RLIG1: variants seen among roughly 807,000 people sequenced by gnomAD.
The protein encoded by RLIG1 is RNA 5'-phosphate and 3'-OH ligase 1.
the RLIG1 span, chr12:88,045,690 G>C: frequency 6.2e-7 from 1 of 1,613,026 alleles, no homozygotes; most frequent in Non-Finnish European, 8.5e-7. Flanking sequence ...GATGATTCTG[G>C]ACTTTTGGAA....
At chr12:88,048,123 GAT>G in the RLIG1 span, 6 of 670,058 alleles carry the variant, frequency 9.0e-6, no homozygotes, top group Non-Finnish European at 1.3e-5. Context: ...AAAACAGTAA[GAT>G]AAAGTGGAGT....
At chr12:88,049,340 C>T in the RLIG1 span, 1 of 1,582,088 alleles carries the variant, frequency 6.3e-7, no homozygotes, top group Non-Finnish European at 8.6e-7. Flanking sequence ...TGTAATTATA[C>T]TTAAGATCTT....
chr12:88,048,622 A>ACAT, the RLIG1 span: 3 of 383,306 alleles, frequency 7.8e-6, no homozygotes, highest in Non-Finnish European at 1.3e-5. Flanking sequence ...AGCCATAAAA[A>ACAT]CATAAGTAAT....
At chr12:88,042,889 A>G in the RLIG1 span, 1 of 1,573,014 alleles carries the variant, frequency 6.4e-7, no homozygotes, top group Non-Finnish European at 8.6e-7. Context: ...AAAGATTTAA[A>G]AATTTTCTAC....
At chr12:88,041,388 G>A in the RLIG1 span, among the ~76,000 whole-genome samples, 1 of 152,108 alleles carries the variant, frequency 6.6e-6, no homozygotes, top group African/African-American at 2.4e-5. Flanking sequence ...TGACTATTGC[G>A]AATAATGCCA....
the RLIG1 span, among the ~76,000 whole-genome samples, chr12:88,038,149 CAT>C: frequency 6.6e-6 from 1 of 152,114 alleles, no homozygotes; most frequent in Non-Finnish European, 1.5e-5. Context: ...GGTGCAAAGA[CAT>C]AGAACTAAAA....
the RLIG1 span, among the ~76,000 whole-genome samples, chr12:88,038,753 T>C: frequency 6.6e-6 from 1 of 152,190 alleles, no homozygotes; most frequent in Non-Finnish European, 1.5e-5. Flanking sequence ...GAATCAAGGA[T>C]AGAATAGTTC....
At chr12:88,042,243 C>T in the RLIG1 span, 1 of 152,254 alleles carries the variant, frequency 6.6e-6, no homozygotes, top group East Asian at 1.9e-4. Flanking sequence ...CGTAGGTAGG[C>T]AGCTGATGCT....
At chr12:88,049,161 GAAAC>G in the RLIG1 span, 14,192 of 1,412,030 alleles carry the variant, frequency 0.01, 1,150 homozygotes, top group African/African-American at 0.18. Context: ...ATAGTTAAAT[GAAAC>G]AAAGTTTATA....
chr12:88,043,666 A>T, the RLIG1 span: 1 of 1,613,314 alleles, frequency 6.2e-7, no homozygotes, highest in Non-Finnish European at 8.5e-7. Context: ...CAAAGGAGAC[A>T]GAACAAATAA....
At chr12:88,043,904 C>G in the RLIG1 span, 1 of 582,186 alleles carries the variant, frequency 1.7e-6, no homozygotes, top group African/African-American at 1.9e-5. Flanking sequence ...CAAGAATGTC[C>G]TCTTAGGTTT....
the RLIG1 span, chr12:88,045,848 T>G: frequency 8.2e-7 from 1 of 1,226,176 alleles, no homozygotes; most frequent in Non-Finnish European, 1.2e-6. Context: ...CTAGGTCAAC[T>G]TAAAAAACAT....
At chr12:88,046,921 A>G in the RLIG1 span, 3 of 1,612,778 alleles carry the variant, frequency 1.9e-6, no homozygotes, top group Non-Finnish European at 1.7e-6. Context: ...GAAGATTGCA[A>G]AGAGGGTAAA....
chr12:88,042,920 G>T, the RLIG1 span: 1 of 1,541,848 alleles, frequency 6.5e-7, no homozygotes, highest in Non-Finnish European at 8.7e-7. Context: ...AAACCCAAAA[G>T]GTTAGTTTTT....
At chr12:88,039,639 G>A in the RLIG1 span, among the ~76,000 whole-genome samples, 5 of 151,924 alleles carry the variant, frequency 3.3e-5, no homozygotes, top group Non-Finnish European at 5.9e-5. Flanking sequence ...CCTTTCCACC[G>A]TATCCAAAAT....
At chr12:88,037,272 T>C in the RLIG1 span, among the ~76,000 whole-genome samples, 1 of 152,182 alleles carries the variant, frequency 6.6e-6, no homozygotes, top group African/African-American at 2.4e-5. Flanking sequence ...TTCAGTGATT[T>C]CCCCTACCCA....
chr12:88,038,018 C>G, the RLIG1 span, among the ~76,000 whole-genome samples: 3 of 151,930 alleles, frequency 2.0e-5, no homozygotes, highest in African/African-American at 7.3e-5. Flanking sequence ...TGAGTACTCT[C>G]AAAGCAAACA....
the RLIG1 span, chr12:88,044,475 C>G: frequency 6.6e-6 from 1 of 152,134 alleles, no homozygotes; most frequent in Admixed American, 6.5e-5. Context: ...CCATTATGTG[C>G]AAAGTCCTCT....
the RLIG1 span, chr12:88,045,653 A>G: frequency 6.2e-7 from 1 of 1,613,164 alleles, no homozygotes; most frequent in Non-Finnish European, 8.5e-7. Flanking sequence ...TGAATTTGAA[A>G]TTGCCCTGGT....
Sources: allele counts gnomAD v4.1 joint callset (sites outside exome capture counted in the v4.1 genomes callset), GRCh38; gene constraint gnomAD v4.1.1; transcripts MANE v1.5; gene names NCBI Gene and HGNC (gene_info 2026-07-23, HGNC 2026-07-21).